Variants in ANKRD11 observed in about 807,000 individuals in gnomAD.
The protein encoded by ANKRD11 is ankyrin repeat domain 11.
A neutral mutation model predicts 195.7 loss-of-function variants in ANKRD11; 17 were observed. That is an observed-to-expected ratio of 0.09 (90% CI 0.06 to 0.13). ANKRD11 has a LOEUF of 0.13. ANKRD11 is among the 10% of genes least tolerant of loss of function. The pLI, the probability that ANKRD11 is intolerant of heterozygous loss-of-function variation, is 1.00. For missense variants in ANKRD11, 3,735 were observed against 3,566.1 expected (o/e 1.05, Z -1.21); for synonymous variants, 1,953 against 1,528.1 (o/e 1.28, Z -6.49).
In ANKRD11 at chr16:89,283,153, C is replaced by A; in HGVS notation, c.3389G>T (p.Cys1130Phe). The A allele has an allele frequency of 6.2e-7, 1 of 1,614,094 alleles. No homozygotes were observed. Among genetic ancestry groups the A allele is most frequent in the South Asian group, 1.1e-5 (1 of 91,080 alleles). Residue 1130 changes from cysteine to phenylalanine, a missense_variant, in exon 9 of 13, where the codon TGC becomes TTC. Coordinates refer to ENST00000301030, the MANE Select transcript of ANKRD11 (RefSeq NM_013275.6). The surrounding 1 kb of genome is among the most constrained non-coding windows in gnomAD (Gnocchi z 4.3). ...TDESEDDRDSCMGSGFKMGEA... is the reference protein window; with the variant it reads ...TDESEDDRDSFMGSGFKMGEA... ...TCCCATCTTGAACCCGCTCCCCATG[C>A]AGCTGTCTCTGTCGTCCTCACTCTC... is the stretch of plus-strand genomic sequence containing the variant.
intron 2 of ANKRD11, among the ~76,000 whole-genome samples, chr16:89,338,829 A>C (rs759350973): frequency 1.3e-5 from 2 of 152,134 alleles, no homozygotes; most frequent in Non-Finnish European, 2.9e-5. Flanking sequence ...CAGCCAGGCA[A>C]AACAATCATT....
At chr16:89,306,924 A>C (rs1255431471) in intron 3 of ANKRD11, among the ~76,000 whole-genome samples, 1 of 151,026 alleles carries the variant, frequency 6.6e-6, no homozygotes, top group Admixed American at 6.6e-5. Context: ...CACGTGCGCT[A>C]CCTCCCAGGA....
At chr16:89,433,656 C>T (rs2043093223) in intron 1 of ANKRD11, among the ~76,000 whole-genome samples, 1 of 151,254 alleles carries the variant, frequency 6.6e-6, no homozygotes, top group South Asian at 2.1e-4. Context: ...GCCACCTTCA[C>T]GAGAGTAAGA....
intron 2 of ANKRD11, among the ~76,000 whole-genome samples, chr16:89,370,939 A>G (rs2152079280): frequency 1.3e-5 from 2 of 152,258 alleles, no homozygotes; most frequent in Admixed American, 1.3e-4. Context: ...GAGACGCCCA[A>G]GAACCAAGCC....
At chr16:89,393,329 G>C (rs148442716) in intron 2 of ANKRD11, among the ~76,000 whole-genome samples, 2,998 of 98,782 alleles carry the variant, frequency 0.03, 106 homozygotes, top group African/African-American at 0.11. Context: ...TTTTTTTTTT[G>C]AGACGGAGGC....
chr16:89,276,207 G>A (rs565410134), intron 9 of ANKRD11, among the ~76,000 whole-genome samples: 12 of 152,298 alleles, frequency 7.9e-5, no homozygotes, highest in South Asian at 6.2e-4. Context: ...TGAGACCAAC[G>A]CTGGCGATGC....
At chr16:89,452,586 G>C (rs1026268273) in intron 1 of ANKRD11, among the ~76,000 whole-genome samples, 2 of 151,920 alleles carry the variant, frequency 1.3e-5, no homozygotes, top group African/African-American at 4.8e-5. Context: ...AGACCAGCCT[G>C]GCCAACATGG....
intron 2 of ANKRD11, among the ~76,000 whole-genome samples, chr16:89,346,019 A>T (rs1462796776): frequency 8.5e-5 from 13 of 152,076 alleles, no homozygotes; most frequent in Admixed American, 8.5e-4. Context: ...AAGCAGGCGG[A>T]TCACTTGAGG....
intron 3 of ANKRD11, among the ~76,000 whole-genome samples, chr16:89,312,461 A>G (rs191609560): frequency 1.3e-5 from 2 of 152,348 alleles, no homozygotes; most frequent in African/African-American, 4.8e-5. Context: ...ACTGTCAGGT[A>G]AGCAGAAATG....
intron 3 of ANKRD11, among the ~76,000 whole-genome samples, chr16:89,311,311 G>T (rs2036595489): frequency 6.6e-6 from 1 of 152,066 alleles, no homozygotes; most frequent in African/African-American, 2.4e-5. Flanking sequence ...TTTAAAATTT[G>T]TATGTTTGTG....
intron 2 of ANKRD11, among the ~76,000 whole-genome samples, chr16:89,369,161 A>G (rs2152075417): frequency 6.6e-6 from 1 of 152,304 alleles, no homozygotes; most frequent in South Asian, 2.1e-4. Context: ...CAGCATAAGC[A>G]CCCCAAACCC....
chr16:89,440,851 G>A (rs2043421661), intron 1 of ANKRD11, among the ~76,000 whole-genome samples: 1 of 152,206 alleles, frequency 6.6e-6, no homozygotes, highest in South Asian at 2.1e-4. Flanking sequence ...GTGGCTGTGT[G>A]GCAATGCGTG....
intron 4 of ANKRD11, chr16:89,298,036 G>A (rs1380884560): frequency 6.6e-6 from 1 of 151,954 alleles, no homozygotes; most frequent in Non-Finnish European, 1.5e-5. Context: ...GTGGGGTAGG[G>A]GTAGGGTGGG....
rs762451776 is a variant in ANKRD11, at chr16:89,280,215, C to T, written c.6327G>A (p.Leu2109=). 3 of 1,607,930 alleles carry T rather than the reference C, an allele frequency of 1.9e-6. No homozygotes were observed. The highest frequency in any genetic ancestry group is 2.5e-6 in the Non-Finnish European group (3 of 1,179,236). The change falls in exon 9 of 13, where the codon CTG becomes CTA. Residue 2109 remains leucine (L), a synonymous_variant. Coordinates refer to ENST00000301030, the MANE Select transcript of ANKRD11 (RefSeq NM_013275.6). ...CCGGCTCCACCTGGCCGAGGTGAGA[C>T]AGGCCGCGGCTGCCGTCCAGGAAGC... ...ENSFLDGSRG[L]SHLGQVEPVP...
chr16:89,278,903 G>C (rs776099690), intron 9 of ANKRD11, 169 bp downstream of exon 9: 3 of 1,170,146 alleles, frequency 2.6e-6, no homozygotes, highest in African/African-American at 1.5e-5. Flanking sequence ...GGCAGCTTCC[G>C]GCTTTTGCCT....
In ANKRD11 at chr16:89,290,122, C is replaced by G. The variant is rs188389676; in HGVS notation, c.601+503G>C. On this transcript the variant is annotated intron_variant, in intron 6 of 12. Transcript: ENST00000301030. ...TTCTTCTCAGCAACAGGGAACCCCACTGGAGTGAGTGTGGCTGTGAACACC... is the reference window on the plus strand; with the variant it reads ...TTCTTCTCAGCAACAGGGAACCCCAGTGGAGTGAGTGTGGCTGTGAACACC... Among the ~76,000 whole-genome samples the G allele has an allele frequency of 7.7e-4, 117 of 152,396 alleles. 1 individual carries two copies. The highest frequency in any genetic ancestry group is 2.7e-3 in the African/African-American group (112 of 41,596).
At chr16:89,371,591 C>T (rs977600254) in intron 2 of ANKRD11, among the ~76,000 whole-genome samples, 2 of 152,168 alleles carry the variant, frequency 1.3e-5, no homozygotes, top group African/African-American at 4.8e-5. Context: ...GGCGCCGCTC[C>T]CCACATTCAA....
intron 1 of ANKRD11, among the ~76,000 whole-genome samples, chr16:89,469,725 C>A (rs548794754): frequency 2.9e-4 from 43 of 149,946 alleles, no homozygotes; most frequent in African/African-American, 1.0e-3. Flanking sequence ...GGTGAAACCC[C>A]GTCTCTACTA....
chr16:89,381,330 G>GAAA (rs2040638024), intron 2 of ANKRD11, among the ~76,000 whole-genome samples: 2 of 49,582 alleles, frequency 4.0e-5, no homozygotes, highest in African/African-American at 1.7e-4. Flanking sequence ...AGACTCTGCT[G>GAAA]CAAAAAAAAA....
Sources: gnomAD v4.1 joint callset for allele counts (sites outside exome capture counted in the v4.1 genomes callset) on GRCh38, gnomAD v4.1.1 for gene constraint, Gnocchi (gnomAD v3.1) non-coding constraint, MANE v1.5 for transcripts, NCBI Gene and HGNC (gene_info 2026-07-23, HGNC 2026-07-21) for gene names.